SHMT2: variants seen among roughly 807,000 people sequenced by gnomAD.
SHMT2 encodes serine hydroxymethyltransferase, mitochondrial.
A neutral mutation model predicts 59.6 loss-of-function variants in SHMT2; 38 were observed. The observed-to-expected ratio is 0.64, with a 90% CI of 0.49 to 0.84. The LOEUF (loss-of-function observed/expected upper bound fraction) is 0.84. Ranked by LOEUF, SHMT2 falls within the 40% of genes least tolerant of loss-of-function variation. The pLI is 0.00. For missense variants in SHMT2, 533 were observed against 659.5 expected (o/e 0.81, Z 2.10); for synonymous variants, 254 against 258.1 (o/e 0.98, Z 0.15).
intron 5 of SHMT2, 72 bp downstream of exon 5, chr12:57,232,364 TG>T: frequency 6.2e-7 from 1 of 1,612,668 alleles, no homozygotes. Flanking sequence ...GCTGAGGGCC[TG>T]GAGCGCCGGG....
At chr12:57,233,372 T>TG (rs745602876) in intron 8 of SHMT2, 27 bp downstream of exon 8, 61 of 1,568,082 alleles carry the variant, frequency 3.9e-5, no homozygotes, top group South Asian at 2.1e-4. Flanking sequence ...TTGTAGGGTG[T>TG]GGGGGGGCAA....
chr12:57,232,698 G>A lies in SHMT2; in HGVS notation c.718-6G>A, dbSNP rs373381797. The A allele has an allele frequency of 5.6e-6, 9 of 1,606,374 alleles. No homozygotes were observed. In the African/African-American group the frequency reaches 1.2e-4, roughly 21 times the overall value. Reference sequence around the variant, plus strand: ...AGGCTGAGGCCTTGCCTCTGTACCTGCCCAGGTGTGTGATGAAGTCAAAGC... The same window carrying A: ...AGGCTGAGGCCTTGCCTCTGTACCTACCCAGGTGTGTGATGAAGTCAAAGC... On this transcript the variant is annotated splice_region_variant and splice_polypyrimidine_tract_variant and intron_variant, in intron 6 of 11. Coordinates refer to ENST00000328923, the MANE Select transcript of SHMT2 (RefSeq NM_005412.6).
intron 4 of SHMT2, 128 bp from the exon 5 acceptor site, chr12:57,232,083 T>C: frequency 8.9e-7 from 1 of 1,126,920 alleles, no homozygotes; most frequent in South Asian, 1.3e-5. Context: ...TACCACAGAG[T>C]GGACAGAGCA....
intron 7 of SHMT2, 130 bp downstream of exon 7, chr12:57,232,973 G>A: frequency 2.2e-6 from 3 of 1,363,360 alleles, no homozygotes; most frequent in Non-Finnish European, 3.0e-6. Flanking sequence ...GTCTGTGAGA[G>A]TTCTCCTTCT....
chr12:57,231,618 C>T, intron 3 of SHMT2, 58 bp downstream of exon 3: 1 of 1,610,586 alleles, frequency 6.2e-7, no homozygotes. Flanking sequence ...CCCACCTGTA[C>T]CTTCCCAGTG....
chr12:57,229,963 A>G (rs1256929522), intron 1 of SHMT2, 152 bp downstream of exon 1: 3 of 1,467,046 alleles, frequency 2.0e-6, no homozygotes, highest in Non-Finnish European at 2.7e-6. Context: ...GGAATCCCCA[A>G]GACCCCTGGG....
At chr12:57,230,366 C>T (rs1388858037) in intron 1 of SHMT2, 1 of 1,147,768 alleles carries the variant, frequency 8.7e-7, no homozygotes, top group East Asian at 6.8e-5. Context: ...CTGCATTGCT[C>T]TACAATCTGT....
rs369547769 is a variant in SHMT2 at position 57,234,378 on chromosome 12, A to G, written c.*17A>G. ...GAGCATTGAAGGCACCTGGGAAATG[A>G]GGCCCACAGACTCAAAGTTACTCTC... On this transcript the variant is annotated 3_prime_UTR_variant, in exon 12 of 12. Transcript: ENST00000328923. 3.8e-6 allele frequency: 6 copies of G among 1,562,162 alleles called. No individual in the cohort carries two copies. In the African/African-American group the frequency reaches 8.3e-5, roughly 21 times the overall value.
At chr12:57,231,605 G>C in intron 3 of SHMT2, 45 bp downstream of exon 3, 3 of 1,611,774 alleles carry the variant, frequency 1.9e-6, no homozygotes, top group South Asian at 1.1e-5. Context: ...CCCAGTGGGG[G>C]AACCCACCTG....
At chr12:57,230,095 G>A in intron 1 of SHMT2, 1 of 1,363,366 alleles carries the variant, frequency 7.3e-7, no homozygotes, top group Non-Finnish European at 9.5e-7. Context: ...CGCGGACCCG[G>A]TGCTGGCAAA....
At position 57,231,531 on chromosome 12, in the gene SHMT2, C is replaced by T; in HGVS notation, c.282C>T (p.Asn94=). The T allele has an allele frequency of 6.2e-7, 1 of 1,614,218 alleles. No individual in the cohort carries two copies. Among genetic ancestry groups the T allele is most frequent in the Non-Finnish European group, 8.5e-7 (1 of 1,180,034 alleles). ...AGGCCCTGGGGTCCTGTCTGAACAACAAGTACTCGGAGGGTTATCCTGGCA... is the reference window on the plus strand; with the variant it reads ...AGGCCCTGGGGTCCTGTCTGAACAATAAGTACTCGGAGGGTTATCCTGGCA... The part of the protein sequence containing the change: ...ALEALGSCLN[N]KYSEGYPGKR... The change falls in exon 3 of 12, where the codon AAC becomes AAT. Residue 94 remains asparagine (N), a synonymous_variant. Transcript: ENST00000328923.
At position 57,233,891 on chromosome 12, in the gene SHMT2, C is replaced by T. The variant is rs765963244; in HGVS notation, c.1266C>T (p.Gly422=). 56 of 1,614,020 alleles carry T rather than the reference C, an allele frequency of 3.5e-5. No homozygotes were observed. In the Middle Eastern group the frequency reaches 4.9e-4, roughly 14 times the overall value. ...GAGACCGAAGTGCCATCACACCGGG[C>T]GGCCTGCGGCTTGGTGAGACCTGGG... is the stretch of plus-strand genomic sequence containing the variant. The part of the protein sequence containing the change: ...CPGDRSAITP[G]GLRLGAPALT... The change falls in exon 10 of 12, where the codon GGC becomes GGT. Residue 422 remains glycine, a synonymous_variant. Coordinates refer to ENST00000328923, the MANE Select transcript of SHMT2 (RefSeq NM_005412.6).
intron 8 of SHMT2, 26 bp from the exon 9 acceptor site, chr12:57,233,537 G>A (rs754026019): frequency 1.2e-6 from 2 of 1,602,694 alleles, no homozygotes; most frequent in Non-Finnish European, 1.7e-6. Flanking sequence ...GGCCTAGGGT[G>A]ACAGCTGCTA....
In SHMT2 at chr12:57,231,472, C is replaced by T. The variant is rs2037315016; in HGVS notation, c.232-9C>T. ...CAATACCTTCTGACATTGCCCCCCA[C>T]CACCCCAGAACTTCTGCAGCCGAGC... On this transcript the variant is annotated splice_polypyrimidine_tract_variant and intron_variant, in intron 2 of 11. Transcript: ENST00000328923. 2.5e-6 allele frequency: 4 copies of T among 1,613,576 alleles called. No individual in the cohort carries two copies. Among genetic ancestry groups the T allele is most frequent in the Admixed American group, 1.7e-5 (1 of 59,952 alleles).
chr12:57,233,375 G>A (rs761907895), intron 8 of SHMT2, 30 bp downstream of exon 8: 1 of 1,566,160 alleles, frequency 6.4e-7, no homozygotes. Context: ...TAGGGTGTGG[G>A]GGGGCAATGG....
At chr12:57,232,131 A>G in intron 4 of SHMT2, 80 bp from the exon 5 acceptor site, 1 of 1,331,406 alleles carries the variant, frequency 7.5e-7, no homozygotes, top group South Asian at 1.2e-5. Flanking sequence ...TTCTGGGGAC[A>G]GAGAACTGTG....
At chr12:57,231,338 C>A in intron 2 of SHMT2, 143 bp from the exon 3 acceptor site, 1 of 861,340 alleles carries the variant, frequency 1.2e-6, no homozygotes, top group Non-Finnish European at 1.8e-6. Flanking sequence ...CTGCCTCTGG[C>A]TTTGCCCCAG....
Position 57,232,584 on chromosome 12 carries a change from G to A in SHMT2, c.717+9G>A, listed in dbSNP as rs550014245. The A allele has an allele frequency of 1.7e-5, 28 of 1,613,984 alleles. No homozygotes were observed. In the Admixed American group the frequency reaches 3.5e-4, roughly 20 times the overall value. ...ACGCCCGCATGAGAGAGGTTGGTGG[G>A]GGGGGCTGGAGACTGGGCACCTCCC... is the stretch of plus-strand genomic sequence containing the variant. On this transcript the variant is annotated intron_variant, in intron 6 of 11. Coordinates refer to ENST00000328923, the MANE Select transcript of SHMT2 (RefSeq NM_005412.6).
At chr12:57,230,479 T>A (rs1451212210) in intron 1 of SHMT2, 1 of 1,231,380 alleles carries the variant, frequency 8.1e-7, no homozygotes, top group East Asian at 4.5e-5. Context: ...GGGAAGGTTC[T>A]GGAATCTCAG....
Sources: allele counts gnomAD v4.1 joint callset, GRCh38; gene constraint gnomAD v4.1.1; transcripts MANE v1.5; gene names NCBI Gene and HGNC (gene_info 2026-07-23, HGNC 2026-07-21).